APBA2: variants seen among roughly 807,000 people sequenced by gnomAD.
The protein encoded by APBA2 is amyloid beta precursor protein binding family A member 2, also known as amyloid-beta A4 precursor protein-binding family A member 2.
Under a neutral mutation model 75.0 loss-of-function variants are expected in APBA2, and 30 were observed. That is an observed-to-expected ratio of 0.40 (90% CI 0.30 to 0.54). APBA2 has a LOEUF of 0.54. APBA2 is among the 20% of genes least tolerant of loss of function. The probability of loss-of-function intolerance (pLI) is 0.49; values close to 1 mark genes in which losing one functional copy is unlikely to be tolerated. For synonymous variants in APBA2, 444 were observed against 409.6 expected, an observed-to-expected ratio of 1.08 and a Z score of -1.01; for missense variants, 801 against 1,016.1, an observed-to-expected ratio of 0.79 and a Z score of 2.88.
intron 6 of APBA2, among the ~76,000 whole-genome samples, chr15:29,088,320 C>G (rs1244698162): frequency 6.6e-6 from 1 of 152,178 alleles, no homozygotes; most frequent in Non-Finnish European, 1.5e-5. Flanking sequence ...CACTTGGCAC[C>G]TGCAGATGGT....
intron 6 of APBA2, among the ~76,000 whole-genome samples, chr15:29,087,716 TACTC>T (rs141983513): frequency 0.031 from 4,768 of 152,202 alleles, 256 homozygotes; most frequent in African/African-American, 0.11. Flanking sequence ...ACGACTCTGA[TACTC>T]ACCCACTCCT....
Position 29,053,948 on chromosome 15 carries a change from C to A in APBA2, c.64C>A (p.Pro22Thr), listed in dbSNP as rs145726347. Residue 22 changes from proline (P) to threonine (T), a missense_variant, in exon 4 of 15, where the codon CCT (proline) becomes ACT (threonine). By Grantham distance (38) the Pro-to-Thr change is conservative. Coordinates refer to ENST00000683413, the MANE Select transcript of APBA2 (RefSeq NM_001353788.2). ...GMLDHRVRPG[P>T]VPHSQEPESE... ...GTTGGACCATAGGGTGAGACCAGGT[C>A]CTGTCCCTCACAGCCAGGAGCCCGA... 2.9e-4 allele frequency: 468 copies of A among 1,614,012 alleles called. No individual in the cohort carries two copies. Among genetic ancestry groups the A allele is most frequent in the Non-Finnish European group, 3.8e-4 (448 of 1,179,988 alleles).
intron 3 of APBA2, among the ~76,000 whole-genome samples, chr15:29,025,339 C>T (rs1482627924): frequency 6.7e-6 from 1 of 149,758 alleles, no homozygotes; most frequent in Non-Finnish European, 1.5e-5. Context: ...CATCTTAGCT[C>T]ACTGCAGTCT....
chr15:29,050,197 C>T (rs570512699), intron 3 of APBA2, among the ~76,000 whole-genome samples: 63 of 152,184 alleles, frequency 4.1e-4, no homozygotes, highest in African/African-American at 1.5e-3. Context: ...TGCACATCTG[C>T]GAGACTGTAA....
intron 6 of APBA2, 28 bp downstream of exon 6, chr15:29,076,119 A>G: frequency 6.2e-7 from 1 of 1,612,100 alleles, no homozygotes; most frequent in Non-Finnish European, 8.5e-7. Context: ...TTATTTCTCA[A>G]GGGGCAGTTG....
In APBA2 at chr15:29,052,766, A is replaced by G. The variant is rs531829860; in HGVS notation, c.-40-1079A>G. Among the ~76,000 whole-genome samples the G allele has an allele frequency of 2.6e-5, 4 of 152,322 alleles. No homozygotes were observed. The South Asian group carries it at 8.3e-4, about 32-fold the overall frequency. ...CACAGTTCTGGAGGCTGGGAAGTCC[A>G]AGGTCAAGGTGCCAGCATCTGGTAA... On this transcript the variant is annotated intron_variant, in intron 3 of 14. Transcript: ENST00000683413.
chr15:29,111,376 G>T (rs1307716196), intron 13 of APBA2, among the ~76,000 whole-genome samples: 1 of 152,084 alleles, frequency 6.6e-6, no homozygotes, highest in African/African-American at 2.4e-5. Flanking sequence ...CAGGATGCAG[G>T]GGAGATGCTG....
rs2033078551 is a variant in APBA2 at position 28,905,259 on chromosome 15, T to C, written c.-204-16381T>C. Among the ~76,000 whole-genome samples, 3 of 152,344 alleles carry C rather than the reference T, an allele frequency of 2.0e-5. No homozygotes were observed. In the East Asian group the frequency reaches 5.8e-4, roughly 29 times the overall value. On this transcript the variant is annotated intron_variant, in intron 1 of 14. Transcript: ENST00000683413. ...AATAGGTGGATTTGCTCTGTTGAGC[T>C]GGAAGGAGGAATTTTTAGATTTCCT...
chr15:29,052,035 C>G (rs1179161979), intron 3 of APBA2, among the ~76,000 whole-genome samples: 2 of 152,092 alleles, frequency 1.3e-5, no homozygotes, highest in Non-Finnish European at 2.9e-5. Context: ...AGTGTGCAAG[C>G]TCTTAACTGG....
At position 29,098,481 on chromosome 15, in the gene APBA2, C is replaced by T. The variant is rs1567007971; in HGVS notation, c.1252-9C>T. Reference sequence around the variant, plus strand: ...TTTGGACTTTAACAATATCCACTGTCCTTCTTAGAATTCTGAGGGGGATGC... The same window carrying T: ...TTTGGACTTTAACAATATCCACTGTTCTTCTTAGAATTCTGAGGGGGATGC... On this transcript the variant is annotated splice_polypyrimidine_tract_variant and intron_variant, in intron 8 of 14. Coordinates refer to ENST00000683413, the MANE Select transcript of APBA2 (RefSeq NM_001353788.2). 2 of 1,610,518 alleles carry T rather than the reference C, an allele frequency of 1.2e-6. No homozygotes were observed. The highest frequency in any genetic ancestry group is 2.2e-5 in the East Asian group (1 of 44,856).
chr15:29,063,415 T>C, intron 4 of APBA2, among the ~76,000 whole-genome samples: 1 of 122,830 alleles, frequency 8.1e-6, no homozygotes, highest in African/African-American at 2.9e-5. Context: ...GGTCAGTGTC[T>C]GTATGGGTGG....
intron 3 of APBA2, among the ~76,000 whole-genome samples, chr15:29,044,916 A>G (rs544242593): frequency 2.2e-4 from 33 of 152,218 alleles, no homozygotes; most frequent in Non-Finnish European, 3.7e-4. Flanking sequence ...GTATGGGCAG[A>G]TTCAGTGTCT....
chr15:29,099,897 T>G (rs948408835), intron 9 of APBA2, among the ~76,000 whole-genome samples: 1 of 152,218 alleles, frequency 6.6e-6, no homozygotes, highest in African/African-American at 2.4e-5. Flanking sequence ...TTCCGCTGGA[T>G]CCTGTGAAGG....
chr15:29,101,188 G>A (rs528227261), intron 9 of APBA2, among the ~76,000 whole-genome samples: 2 of 150,972 alleles, frequency 1.3e-5, no homozygotes, highest in East Asian at 3.9e-4. Flanking sequence ...AGGAGAATCA[G>A]GGTTGCGAAA....
chr15:28,984,975 G>C (rs28756129), intron 2 of APBA2, among the ~76,000 whole-genome samples: 1 of 151,378 alleles, frequency 6.6e-6, no homozygotes, highest in Non-Finnish European at 1.5e-5. Flanking sequence ...CGTCTCTGGA[G>C]GTTGGGGGAG....
At chr15:28,910,395 A>G (rs980981715) in intron 1 of APBA2, among the ~76,000 whole-genome samples, 1 of 152,196 alleles carries the variant, frequency 6.6e-6, no homozygotes, top group African/African-American at 2.4e-5. Context: ...TTGGTGGGAT[A>G]ATGGTATCTA....
intron 3 of APBA2, 75 bp from the exon 4 acceptor site, chr15:29,053,770 G>A (rs2041725168): frequency 2.2e-6 from 2 of 892,812 alleles, no homozygotes; most frequent in South Asian, 1.6e-5. Context: ...GGGAGGTGCT[G>A]TGGTGAAGTG....
chr15:28,931,812 T>TA (rs757308771), intron 2 of APBA2, among the ~76,000 whole-genome samples: 5 of 152,266 alleles, frequency 3.3e-5, no homozygotes, highest in Admixed American at 6.5e-5. Context: ...ATTTTAGTCT[T>TA]AATTGTACGT....
intron 4 of APBA2, among the ~76,000 whole-genome samples, chr15:29,056,983 A>T (rs1229189257): frequency 6.6e-6 from 1 of 152,000 alleles, no homozygotes; most frequent in Non-Finnish European, 1.5e-5. Flanking sequence ...TCCTAAGAAC[A>T]ATCCCCTTCC....
Sources: gnomAD v4.1 joint callset for allele counts (sites outside exome capture counted in the v4.1 genomes callset) on GRCh38, gnomAD v4.1.1 for gene constraint, MANE v1.5 for transcripts, NCBI Gene and HGNC (gene_info 2026-07-23, HGNC 2026-07-21) for gene names.